Variants in RANBP9 observed in about 807,000 individuals in gnomAD.
RANBP9 encodes the protein ran-binding protein 9.
In RANBP9, 15 loss-of-function variants were observed where a neutral mutation model predicts 84.3. The ratio of observed to expected loss-of-function variants is 0.18; its 90% CI spans 0.12 to 0.27. RANBP9 has a LOEUF of 0.27. Among genes scored for constraint, RANBP9 ranks in the 10% least tolerant of loss-of-function variants. The probability of loss-of-function intolerance (pLI) is 1.00; values close to 1 mark genes in which losing one functional copy is unlikely to be tolerated. For missense variants in RANBP9, 809 were observed against 912.8 expected (o/e 0.89, Z 1.46); for synonymous variants, 392 against 349.6 (o/e 1.12, Z -1.35).
chr6:13,669,999 T>C (rs1454666866), intron 2 of RANBP9, among the ~76,000 whole-genome samples: 3 of 151,954 alleles, frequency 2.0e-5, no homozygotes. Flanking sequence ...TGCAAATGAA[T>C]GCAGCTGAGG....
At chr6:13,682,408 A>C (rs900350928) in intron 2 of RANBP9, among the ~76,000 whole-genome samples, 10 of 150,216 alleles carry the variant, frequency 6.7e-5, no homozygotes, top group Non-Finnish European at 1.0e-4. Flanking sequence ...AAAAAAAAAA[A>C]AAAAAGACTG....
intron 2 of RANBP9, among the ~76,000 whole-genome samples, chr6:13,680,606 G>C (rs1766011788): frequency 6.6e-6 from 1 of 151,512 alleles, no homozygotes; most frequent in Non-Finnish European, 1.5e-5. Context: ...AAAAAATAAA[G>C]TTAGCTGAGC....
intron 2 of RANBP9, among the ~76,000 whole-genome samples, chr6:13,666,100 G>A (rs1012150267): frequency 6.6e-6 from 1 of 152,014 alleles, no homozygotes; most frequent in African/African-American, 2.4e-5. Flanking sequence ...TAAGATGTGT[G>A]CATTTCACCA....
chr6:13,703,552 G>C (rs1758028296), intron 1 of RANBP9, among the ~76,000 whole-genome samples: 1 of 152,172 alleles, frequency 6.6e-6, no homozygotes, highest in Non-Finnish European at 1.5e-5. Flanking sequence ...ATTCAACACA[G>C]GTTAGCACCT....
At chr6:13,676,275 TA>T (rs1342627366) in intron 2 of RANBP9, among the ~76,000 whole-genome samples, 1 of 151,956 alleles carries the variant, frequency 6.6e-6, no homozygotes, top group African/African-American at 2.4e-5. Flanking sequence ...AAAAGCTAAA[TA>T]AAAACATATA....
At chr6:13,685,465 C>T (rs529426548) in intron 2 of RANBP9, among the ~76,000 whole-genome samples, 1 of 152,094 alleles carries the variant, frequency 6.6e-6, no homozygotes, top group Non-Finnish European at 1.5e-5. Flanking sequence ...CCTAGCTACT[C>T]GAGTGGCTGA....
intron 5 of RANBP9, among the ~76,000 whole-genome samples, chr6:13,645,639 C>G (rs73358345): frequency 1.3e-5 from 2 of 152,218 alleles, no homozygotes; most frequent in Non-Finnish European, 2.9e-5. Flanking sequence ...TGCTCATGGT[C>G]GTTCTGCTAA....
chr6:13,706,292 C>T (rs1286611965), intron 1 of RANBP9, among the ~76,000 whole-genome samples: 4 of 151,986 alleles, frequency 2.6e-5, no homozygotes, highest in African/African-American at 9.7e-5. Flanking sequence ...TGCAGTGAGC[C>T]GAGATGGCGC....
rs1382265254 is a variant in RANBP9, at chr6:13,711,344, A to G, written c.162T>C (p.Gly54=). 2 of 1,130,266 alleles carry G rather than the reference A, an allele frequency of 1.8e-6. No individual in the cohort carries two copies. The highest frequency in any genetic ancestry group is 2.2e-6 in the Non-Finnish European group (2 of 924,828). 70.0% of individuals were successfully genotyped at this position (1,130,266 alleles called of 1,614,324 possible). A position where few individuals can be genotyped will look rare whatever the true frequency, so the allele number is the denominator to read the frequency against. Residue 54 remains glycine (G), a synonymous_variant, in exon 1 of 14, where the codon GGT becomes GGC. Coordinates refer to ENST00000011619, the MANE Select transcript of RANBP9 (RefSeq NM_005493.3). ...GSSPAGSPGG[G]AGGEGLGAAA... is the part of the protein sequence containing the mutation. ...CGGCCCCTAAGCCTTCGCCGCCCGC[A>G]CCGCCGCCGGGCGAGCCGGCCGGAG...
In RANBP9 at chr6:13,637,458, T is replaced by G. The variant is rs562003766; in HGVS notation, c.1673+350A>C. ...CACCGTTCAAGGTTAAATATGCTAC[T>G]GTGTCTTAACCACTGTGAAAACATA... On this transcript the variant is annotated intron_variant, in intron 10 of 13. Transcript: ENST00000011619. 1.8e-4 allele frequency among the ~76,000 whole-genome samples: 28 copies of G among 152,374 alleles called. No individual in the cohort carries two copies. The South Asian group carries it at 2.5e-3, about 14-fold the overall frequency.
intron 2 of RANBP9, among the ~76,000 whole-genome samples, chr6:13,680,627 G>C (rs113221919): frequency 6.6e-6 from 1 of 151,818 alleles, no homozygotes; most frequent in Non-Finnish European, 1.5e-5. Context: ...ATAGTGGTGC[G>C]CACCTGTACT....
intron 5 of RANBP9, among the ~76,000 whole-genome samples, chr6:13,649,702 T>TAATTTTTTTTTCTAC (rs1217806590): frequency 6.6e-6 from 1 of 152,088 alleles, no homozygotes; most frequent in Non-Finnish European, 1.5e-5. Flanking sequence ...TCTCCTAACT[T>TAATTTTTTTTTCTAC]AATTTTTTTT....
chr6:13,675,378 G>A (rs1385607565), intron 2 of RANBP9, among the ~76,000 whole-genome samples: 1 of 152,026 alleles, frequency 6.6e-6, no homozygotes, highest in Non-Finnish European at 1.5e-5. Flanking sequence ...CCAAATATCT[G>A]GAGATTAAAC....
intron 2 of RANBP9, among the ~76,000 whole-genome samples, chr6:13,693,516 G>A (rs1189668859): frequency 1.3e-5 from 2 of 152,114 alleles, no homozygotes; most frequent in Non-Finnish European, 1.5e-5. Flanking sequence ...GGAGGCCGAG[G>A]CGGACAGATC....
intron 13 of RANBP9, among the ~76,000 whole-genome samples, chr6:13,622,920 T>G (rs1325605352): frequency 6.6e-6 from 1 of 152,130 alleles, no homozygotes; most frequent in Admixed American, 6.5e-5. Context: ...CTTCCACCTC[T>G]GTGGATAGGA....
chr6:13,661,770 C>T (rs1765542787), intron 2 of RANBP9, among the ~76,000 whole-genome samples: 1 of 152,030 alleles, frequency 6.6e-6, no homozygotes, highest in South Asian at 2.1e-4. Context: ...AAAATTAAGT[C>T]ACACATAAGA....
intron 10 of RANBP9, among the ~76,000 whole-genome samples, chr6:13,635,758 A>G (rs1423412307): frequency 6.6e-6 from 1 of 152,102 alleles, no homozygotes; most frequent in African/African-American, 2.4e-5. Context: ...CTTTAAGAAT[A>G]AGAAAATCCT....
chr6:13,627,445 C>T (rs1398043825), intron 12 of RANBP9, among the ~76,000 whole-genome samples: 5 of 151,920 alleles, frequency 3.3e-5, no homozygotes, highest in Non-Finnish European at 7.4e-5. Context: ...ACCTAGCCAA[C>T]ATGGTGAAAC....
intron 3 of RANBP9, 148 bp downstream of exon 3, chr6:13,658,632 A>AC: frequency 2.8e-6 from 2 of 722,532 alleles, no homozygotes; most frequent in Non-Finnish European, 4.6e-6. Flanking sequence ...AAACAAAAAA[A>AC]CCCCACTCAG....
Sources: gnomAD v4.1 joint callset for allele counts (sites outside exome capture counted in the v4.1 genomes callset) on GRCh38, gnomAD v4.1.1 for gene constraint, MANE v1.5 for transcripts, NCBI Gene and HGNC (gene_info 2026-07-23, HGNC 2026-07-21) for gene names.